RAPGEF1: variants seen among roughly 807,000 people sequenced by gnomAD.
The protein encoded by RAPGEF1 is CRK SH3-binding GNRP.
In RAPGEF1, 33 loss-of-function variants were observed where a neutral mutation model predicts 143.3. That is an observed-to-expected ratio of 0.23 (90% CI 0.17 to 0.31). The LOEUF is 0.31. Ranked by LOEUF, RAPGEF1 falls within the 10% of genes least tolerant of loss-of-function variation. The pLI, the probability that RAPGEF1 is intolerant of heterozygous loss-of-function variation, is 1.00. For synonymous variants in RAPGEF1, 629 were observed against 676.5 expected (o/e 0.93, Z 1.09); for missense variants, 1,199 against 1,645.4 (o/e 0.73, Z 4.69).
chr9:131,736,543 T>A (rs1436107528), intron 1 of RAPGEF1, among the ~76,000 whole-genome samples: 1 of 152,154 alleles, frequency 6.6e-6, no homozygotes, highest in Admixed American at 6.5e-5. Flanking sequence ...CACTGCTGCA[T>A]GAGAAAGAAA....
At chr9:131,611,884 A>G (rs1958065984) in intron 12 of RAPGEF1, among the ~76,000 whole-genome samples, 1 of 152,224 alleles carries the variant, frequency 6.6e-6, no homozygotes, top group African/African-American at 2.4e-5. Flanking sequence ...TGGGCAATTA[A>G]GCAGTTCAAA....
At chr9:131,663,108 TG>T (rs371327134) in intron 1 of RAPGEF1, among the ~76,000 whole-genome samples, 6 of 151,488 alleles carry the variant, frequency 4.0e-5, no homozygotes, top group Admixed American at 1.3e-4. Flanking sequence ...AGTTATATTT[TG>T]GAAAAAAAAA....
rs183372525 is a variant in RAPGEF1, at chr9:131,671,714, G to T, written c.62-20765C>A. On this transcript the variant is annotated intron_variant, in intron 1 of 26. Coordinates refer to ENST00000683357, the MANE Select transcript of RAPGEF1 (RefSeq NM_001377935.1). ...CCTGGAACCGAGACTGGCAGACGGT[G>T]CAGGATCTGGCTGTGGAAAGTGCAG... Among the ~76,000 whole-genome samples the T allele has an allele frequency of 6.9e-3, 1,052 of 152,340 alleles. 13 individuals are homozygous for T. Among genetic ancestry groups the T allele is most frequent in the Middle Eastern group, 0.031 (9 of 294 alleles).
chr9:131,653,137 G>A (rs1971529900), intron 1 of RAPGEF1, among the ~76,000 whole-genome samples: 2 of 152,152 alleles, frequency 1.3e-5, no homozygotes, highest in African/African-American at 4.8e-5. Flanking sequence ...CTTGGTTCCA[G>A]GATCCTCTGC....
chr9:131,684,699 A>C (rs1328801830), intron 1 of RAPGEF1, among the ~76,000 whole-genome samples: 2 of 152,250 alleles, frequency 1.3e-5, no homozygotes, highest in Non-Finnish European at 2.9e-5. Flanking sequence ...AGATCCGATA[A>C]CAAAAAGTTG....
rs568872519 is a variant in RAPGEF1, at chr9:131,703,848, A to G, written c.61+35922T>C. Among the ~76,000 whole-genome samples, 5 of 152,314 alleles carry G rather than the reference A, an allele frequency of 3.3e-5. No homozygotes were observed. In the East Asian group the frequency reaches 9.6e-4, roughly 29 times the overall value. On this transcript the variant is annotated intron_variant, in intron 1 of 26. Coordinates refer to ENST00000683357, the MANE Select transcript of RAPGEF1 (RefSeq NM_001377935.1). ...CCTTCAAGACCATCAGGCATGCGAT[A>G]CCTTAAGCTGAGAGACAGAAACAGG...
At chr9:131,697,235 A>T (rs1042294092) in intron 1 of RAPGEF1, among the ~76,000 whole-genome samples, 1 of 151,666 alleles carries the variant, frequency 6.6e-6, no homozygotes, top group Non-Finnish European at 1.5e-5. Flanking sequence ...TGGGATCCCA[A>T]CCCAGGGACT....
At chr9:131,629,067 C>T in intron 7 of RAPGEF1, 35 bp downstream of exon 7, 5 of 1,597,352 alleles carry the variant, frequency 3.1e-6, no homozygotes, top group Non-Finnish European at 4.3e-6. Flanking sequence ...CTCATTCTGC[C>T]ATGGGAGGCA....
chr9:131,653,028 A>G (rs938349450), intron 1 of RAPGEF1, among the ~76,000 whole-genome samples: 19 of 152,200 alleles, frequency 1.2e-4, no homozygotes, highest in African/African-American at 4.3e-4. Context: ...TCTGCCCTAC[A>G]TATGTTATAA....
chr9:131,585,143 G>A (rs1472968331), intron 22 of RAPGEF1, among the ~76,000 whole-genome samples: 1 of 152,178 alleles, frequency 6.6e-6, no homozygotes, highest in African/African-American at 2.4e-5. Context: ...TGGTTCACAG[G>A]GGCCACTACC....
In RAPGEF1 at chr9:131,584,632, G is replaced by GA; in HGVS notation, c.3234-37dup. On this transcript the variant is annotated intron_variant, in intron 22 of 26. Coordinates refer to ENST00000683357, the MANE Select transcript of RAPGEF1 (RefSeq NM_001377935.1). This position sits in a 1 kb window ranked among gnomAD's most constrained non-coding sequence, Gnocchi z 6.8. ...CAAGGGAAAAAGAAACAGCTGAGTTGACAAGTCCCTGCAGGTCCCAGGGGT... is the reference window on the plus strand; with the variant it reads ...CAAGGGAAAAAGAAACAGCTGAGTTGAACAAGTCCCTGCAGGTCCCAGGGGT... The GA allele has an allele frequency of 6.2e-7, 1 of 1,607,304 alleles. No individual in the cohort carries two copies. Among genetic ancestry groups the GA allele is most frequent in the East Asian group, 2.2e-5 (1 of 44,848 alleles).
At chr9:131,606,308 A>G (rs745530433) in intron 12 of RAPGEF1, among the ~76,000 whole-genome samples, 2 of 152,194 alleles carry the variant, frequency 1.3e-5, no homozygotes, top group African/African-American at 2.4e-5. Flanking sequence ...TAATGATGTG[A>G]TGTCATCGTG....
rs1754005687 is a variant in RAPGEF1 at position 131,630,342 on chromosome 9, A to G, written c.652-18T>C. The G allele has an allele frequency of 1.9e-6, 3 of 1,611,902 alleles. No homozygotes were observed. The highest frequency in any genetic ancestry group is 1.1e-5 in the South Asian group (1 of 91,038). The stretch of plus-strand genomic sequence containing the variant: ...ACCAGCTCCTACCCCCACAAGAAAA[A>G]GGCAATGAGCAAAGCTCCCGTCACC... On this transcript the variant is annotated intron_variant, in intron 5 of 26. Transcript: ENST00000683357.
At chr9:131,686,603 C>T (rs1833371894) in intron 1 of RAPGEF1, among the ~76,000 whole-genome samples, 1 of 152,198 alleles carries the variant, frequency 6.6e-6, no homozygotes, top group African/African-American at 2.4e-5. Flanking sequence ...TTTTCTCCCA[C>T]AGACTTCCTT....
intron 12 of RAPGEF1, among the ~76,000 whole-genome samples, chr9:131,613,212 G>A (rs1349562283): frequency 2.0e-5 from 3 of 152,052 alleles, no homozygotes; most frequent in Non-Finnish European, 4.4e-5. Context: ...GGGGCAGGGC[G>A]GTGTGCTCAG....
At chr9:131,643,101 G>C in intron 4 of RAPGEF1, 138 bp downstream of exon 4, 1 of 932,180 alleles carries the variant, frequency 1.1e-6, no homozygotes, top group East Asian at 2.7e-5. Context: ...TGGGGGGAGT[G>C]GTCAGGGGAA....
chr9:131,639,819 G>C (rs886186950), intron 4 of RAPGEF1, among the ~76,000 whole-genome samples: 6 of 152,078 alleles, frequency 3.9e-5, no homozygotes, highest in Admixed American at 2.0e-4. Flanking sequence ...GATTAAAACA[G>C]GTTCTAAAAA....
chr9:131,605,219 A>C, intron 12 of RAPGEF1, 31 bp from the exon 13 acceptor site: 1 of 1,266,562 alleles, frequency 7.9e-7, no homozygotes, highest in Non-Finnish European at 1.0e-6. Context: ...ACAAACAAAA[A>C]CGAGAATACA....
Position 131,585,598 on chromosome 9 carries a change from C to T in RAPGEF1, c.3234-1002G>A, listed in dbSNP as rs544988624. ...CAGCTTCCGTCTGCTTTAGAAACCA[C>T]ATCCTGTTGGGCAAAACCCTACGCT... On this transcript the variant is annotated intron_variant, in intron 22 of 26. Coordinates refer to ENST00000683357, the MANE Select transcript of RAPGEF1 (RefSeq NM_001377935.1). Among the ~76,000 whole-genome samples the T allele has an allele frequency of 3.3e-5, 5 of 152,374 alleles. No individual in the cohort carries two copies. In the East Asian group the frequency reaches 5.8e-4, roughly 18 times the overall value.
Sources: allele counts gnomAD v4.1 joint callset (sites outside exome capture counted in the v4.1 genomes callset), GRCh38; gene constraint gnomAD v4.1.1; non-coding constraint Gnocchi (gnomAD v3.1); transcripts MANE v1.5; gene names NCBI Gene and HGNC (gene_info 2026-07-23, HGNC 2026-07-21).